Variants in KCNB2 observed in about 807,000 individuals in gnomAD.
KCNB2 encodes the protein delayed rectifier potassium channel protein.
KCNB2 carries 15 observed loss-of-function variants against 61.5 expected under a neutral mutation model. The ratio of observed to expected loss-of-function variants is 0.24; its 90% CI spans 0.16 to 0.38. The LOEUF is 0.38. Among genes scored for constraint, KCNB2 ranks in the 10% least tolerant of loss-of-function variants. The probability of loss-of-function intolerance (pLI) is 1.00; values close to 1 mark genes in which losing one functional copy is unlikely to be tolerated. For missense variants in KCNB2, 828 were observed against 1,125.2 expected, an observed-to-expected ratio of 0.74 and a Z score of 3.78; for synonymous variants, 457 against 446.0, an observed-to-expected ratio of 1.02 and a Z score of -0.31.
At chr8:72,837,410 A>G (rs1809799902) in intron 2 of KCNB2, among the ~76,000 whole-genome samples, 1 of 152,170 alleles carries the variant, frequency 6.6e-6, no homozygotes, top group Non-Finnish European at 1.5e-5. Context: ...ATTTTTAACA[A>G]TTACCAACAG....
At chr8:72,758,935 A>G (rs575891174) in intron 2 of KCNB2, among the ~76,000 whole-genome samples, 1 of 152,348 alleles carries the variant, frequency 6.6e-6, no homozygotes, top group African/African-American at 2.4e-5. Context: ...GGATTACCTT[A>G]TTATATGCCC....
In KCNB2 at chr8:72,866,124, C is replaced by CAA. The variant is rs1172111327; in HGVS notation, c.580-69810_580-69809dup. On this transcript the variant is annotated intron_variant, in intron 2 of 2. Coordinates refer to ENST00000523207, the MANE Select transcript of KCNB2 (RefSeq NM_004770.3). ...AAGAGCTATCAGTAATGGAAAAGGC[C>CAA]AACAAAAACATCTGAGTATGCTGAG... Among the ~76,000 whole-genome samples the CAA allele has an allele frequency of 2.6e-5, 4 of 152,250 alleles. 1 individual carries two copies.
At chr8:72,626,300 C>A (rs73305861) in intron 2 of KCNB2, among the ~76,000 whole-genome samples, 3,941 of 152,292 alleles carry the variant, frequency 0.026, 71 homozygotes, top group South Asian at 0.079. Context: ...AACTGCCAGT[C>A]ACTTGGGGGA....
At chr8:72,774,770 A>G (rs889976278) in intron 2 of KCNB2, among the ~76,000 whole-genome samples, 1 of 152,170 alleles carries the variant, frequency 6.6e-6, no homozygotes, top group African/African-American at 2.4e-5. Context: ...AGTTATATAC[A>G]CTGCAATATG....
At chr8:72,692,515 A>G (rs890728241) in intron 2 of KCNB2, among the ~76,000 whole-genome samples, 1 of 152,030 alleles carries the variant, frequency 6.6e-6, no homozygotes, top group African/African-American at 2.4e-5. Flanking sequence ...CTTCTCCTCC[A>G]ATGTTCTATA....
chr8:72,779,420 C>T (rs1390017256), intron 2 of KCNB2, among the ~76,000 whole-genome samples: 1 of 152,196 alleles, frequency 6.6e-6, no homozygotes, highest in Non-Finnish European at 1.5e-5. Flanking sequence ...AATGTCCAGG[C>T]AGGCTGGCAT....
chr8:72,705,685 CA>C (rs1172492536), intron 2 of KCNB2, among the ~76,000 whole-genome samples: 4 of 152,148 alleles, frequency 2.6e-5, no homozygotes, highest in African/African-American at 9.7e-5. Context: ...TGGAGGAAGA[CA>C]ATCAAGCCAA....
At position 72,545,640 on chromosome 8, in the gene KCNB2, A is replaced by G. The variant is rs530086306; in HGVS notation, c.-94+7755A>G. ...ACACAACAATATTGAAAATAGGCCA[A>G]TTAATAACCCTACAATGACCTTTAA... On this transcript the variant is annotated intron_variant, in intron 1 of 2. Transcript: ENST00000523207. 2.0e-5 allele frequency among the ~76,000 whole-genome samples: 3 copies of G among 152,238 alleles called. No individual in the cohort carries two copies. In the South Asian group the frequency reaches 6.2e-4, roughly 32 times the overall value.
In KCNB2 at chr8:72,659,031, T is replaced by C. The variant is rs114438987; in HGVS notation, c.579+90718T>C. ...TCAGCCCATGGATTAAGGAGTAATT[T>C]TGACTTCCAAGTTTTATTATATAAA... On this transcript the variant is annotated intron_variant, in intron 2 of 2. Coordinates refer to ENST00000523207, the MANE Select transcript of KCNB2 (RefSeq NM_004770.3). Among the ~76,000 whole-genome samples, 785 of 152,312 alleles carry C rather than the reference T, an allele frequency of 5.2e-3. 7 individuals are homozygous for C. Among genetic ancestry groups the C allele is most frequent in the African/African-American group, 0.018 (754 of 41,564 alleles).
chr8:72,873,772 A>G (rs1805656899), intron 2 of KCNB2, among the ~76,000 whole-genome samples: 1 of 152,244 alleles, frequency 6.6e-6, no homozygotes, highest in Non-Finnish European at 1.5e-5. Flanking sequence ...GAGTCTTTCC[A>G]TTGAGAACAA....
chr8:72,620,800 G>A (rs927753008), intron 2 of KCNB2, among the ~76,000 whole-genome samples: 1 of 152,010 alleles, frequency 6.6e-6, no homozygotes, highest in Non-Finnish European at 1.5e-5. Context: ...TAGAGACGGG[G>A]TTTCACCACG....
At chr8:72,755,409 C>T (rs1450275604) in intron 2 of KCNB2, among the ~76,000 whole-genome samples, 2 of 152,156 alleles carry the variant, frequency 1.3e-5, no homozygotes, top group Non-Finnish European at 2.9e-5. Flanking sequence ...ATGTTAATCA[C>T]AGGGGAAACT....
chr8:72,565,778 G>A (rs7017394), intron 1 of KCNB2, among the ~76,000 whole-genome samples: 7,003 of 152,048 alleles, frequency 0.046, 256 homozygotes, highest in African/African-American at 0.097. Flanking sequence ...GCATTTTCTG[G>A]CCACATATAT....
At chr8:72,609,834 T>C (rs1307471493) in intron 2 of KCNB2, among the ~76,000 whole-genome samples, 1 of 152,158 alleles carries the variant, frequency 6.6e-6, no homozygotes, top group Non-Finnish European at 1.5e-5. Flanking sequence ...TAAAGCATTA[T>C]CATCTAGACA....
intron 2 of KCNB2, among the ~76,000 whole-genome samples, chr8:72,934,392 C>T (rs12680574): frequency 0.34 from 34,612 of 101,754 alleles, 6,407 homozygotes; most frequent in Non-Finnish European, 0.42. Context: ...CTTCACCCCC[C>T]GCAAAAAAAA....
intron 2 of KCNB2, among the ~76,000 whole-genome samples, chr8:72,930,548 T>C (rs1215338641): frequency 6.6e-6 from 1 of 152,226 alleles, no homozygotes; most frequent in African/African-American, 2.4e-5. Flanking sequence ...TGATGGCCAG[T>C]GATGATGAGC....
chr8:72,900,540 A>T (rs925206920), intron 2 of KCNB2, among the ~76,000 whole-genome samples: 1 of 152,328 alleles, frequency 6.6e-6, no homozygotes, highest in African/African-American at 2.4e-5. Context: ...AAAAGAAACT[A>T]TCAGCAGAAT....
At chr8:72,780,198 C>T (rs1808731453) in intron 2 of KCNB2, among the ~76,000 whole-genome samples, 1 of 152,138 alleles carries the variant, frequency 6.6e-6, no homozygotes, top group South Asian at 2.1e-4. Flanking sequence ...TTACGACTGT[C>T]TCTGTGCTTG....
At chr8:72,830,962 G>A (rs1000320408) in intron 2 of KCNB2, among the ~76,000 whole-genome samples, 1 of 152,192 alleles carries the variant, frequency 6.6e-6, no homozygotes, top group Non-Finnish European at 1.5e-5. Context: ...CAAGTCTTAA[G>A]CCACTTATGT....
Sources: allele counts gnomAD v4.1 joint callset (sites outside exome capture counted in the v4.1 genomes callset), GRCh38; gene constraint gnomAD v4.1.1; transcripts MANE v1.5; gene names NCBI Gene and HGNC (gene_info 2026-07-23, HGNC 2026-07-21).